The following STAG1 variants were observed in gnomAD, a reference collection of about 807,000 sequenced individuals.
STAG1 encodes the protein cohesin subunit SA-1.
In STAG1, 26 loss-of-function variants were observed where a neutral mutation model predicts 170.9. The ratio of observed to expected loss-of-function variants is 0.15; its 90% CI spans 0.11 to 0.21. STAG1 has a LOEUF of 0.21. Among genes scored for constraint, STAG1 ranks in the 10% least tolerant of loss-of-function variants. The probability of loss-of-function intolerance (pLI) is 1.00; values close to 1 mark genes in which losing one functional copy is unlikely to be tolerated. For synonymous variants in STAG1, 514 were observed against 497.7 expected (o/e 1.03, Z -0.44); for missense variants, 964 against 1,509.5 (o/e 0.64, Z 5.99).
At chr3:136,429,698 A>G (rs917576235) in intron 16 of STAG1, among the ~76,000 whole-genome samples, 1 of 152,150 alleles carries the variant, frequency 6.6e-6, no homozygotes, top group Admixed American at 6.6e-5. Context: ...TATTTCTGTA[A>G]AGTTACAGTG....
At chr3:136,419,700 T>C (rs1218880999) in intron 20 of STAG1, among the ~76,000 whole-genome samples, 1 of 150,768 alleles carries the variant, frequency 6.6e-6, no homozygotes, top group African/African-American at 2.4e-5. Context: ...TGGGCTCAAG[T>C]GATCCACCTA....
intron 1 of STAG1, among the ~76,000 whole-genome samples, chr3:136,738,239 C>T (rs548309735): frequency 3.6e-4 from 55 of 152,060 alleles, no homozygotes; most frequent in African/African-American, 1.1e-3. Context: ...TCCTGTAATC[C>T]TAGCACTCTG....
At chr3:136,344,080 G>T in intron 29 of STAG1, 74 bp from the exon 30 acceptor site, 1 of 1,144,334 alleles carries the variant, frequency 8.7e-7, no homozygotes. Flanking sequence ...GCATAGACTT[G>T]TGAAGAGTGT....
chr3:136,724,147 T>C (rs1280219999), intron 1 of STAG1, among the ~76,000 whole-genome samples: 2 of 148,274 alleles, frequency 1.3e-5, no homozygotes, highest in African/African-American at 2.6e-5. Flanking sequence ...AATGGCGGTT[T>C]TGTGGAATAG....
chr3:136,751,440 AG>A (rs1291755114), intron 1 of STAG1, among the ~76,000 whole-genome samples: 1 of 151,522 alleles, frequency 6.6e-6, no homozygotes, highest in East Asian at 1.9e-4. Context: ...TCGAGAAAGG[AG>A]GGAAAACAAC....
At chr3:136,532,016 G>T (rs1163103978) in intron 6 of STAG1, among the ~76,000 whole-genome samples, 1 of 149,450 alleles carries the variant, frequency 6.7e-6, no homozygotes. Context: ...CAGCAGAAAA[G>T]AAATAATACA....
chr3:136,710,737 C>T (rs939697230), intron 1 of STAG1, among the ~76,000 whole-genome samples: 1 of 151,904 alleles, frequency 6.6e-6, no homozygotes. Flanking sequence ...CAACTACTTT[C>T]ATGAATAGAT....
At chr3:136,639,083 A>ACC (rs970486793) in intron 1 of STAG1, among the ~76,000 whole-genome samples, 1 of 151,196 alleles carries the variant, frequency 6.6e-6, no homozygotes, top group Non-Finnish European at 1.5e-5. Context: ...ACACACACAC[A>ACC]CCTTCCTGTC....
intron 10 of STAG1, among the ~76,000 whole-genome samples, chr3:136,475,138 CTTTTTT>C (rs10686674): frequency 5.3e-5 from 4 of 76,002 alleles, no homozygotes; most frequent in Non-Finnish European, 7.0e-5. Flanking sequence ...TTATAGGTTC[CTTTTTT>C]TTTTTTTTTT....
intron 30 of STAG1, among the ~76,000 whole-genome samples, chr3:136,341,807 C>T (rs1331949004): frequency 6.6e-6 from 1 of 152,222 alleles, no homozygotes; most frequent in African/African-American, 2.4e-5. Context: ...GGTTCTCAGA[C>T]CTCTGTTTTG....
intron 25 of STAG1, among the ~76,000 whole-genome samples, chr3:136,365,748 A>G (rs1462875774): frequency 6.6e-6 from 1 of 152,154 alleles, no homozygotes; most frequent in African/African-American, 2.4e-5. Context: ...GGAAGCAAGC[A>G]GAAGTTTGCT....
chr3:136,416,818 T>C (rs1033451558), intron 21 of STAG1, among the ~76,000 whole-genome samples: 1 of 151,398 alleles, frequency 6.6e-6, no homozygotes, highest in African/African-American at 2.4e-5. Flanking sequence ...ATCACAGCAA[T>C]AATAAAGTAC....
At chr3:136,396,519 CCTTT>C (rs2087162029) in intron 22 of STAG1, among the ~76,000 whole-genome samples, 3 of 78,272 alleles carry the variant, frequency 3.8e-5, no homozygotes, top group Non-Finnish European at 7.6e-5. Context: ...CCGCGCCTGG[CCTTT>C]TTTTTTTTTT....
At chr3:136,661,507 A>T (rs988763739) in intron 1 of STAG1, among the ~76,000 whole-genome samples, 2 of 152,316 alleles carry the variant, frequency 1.3e-5, no homozygotes, top group East Asian at 3.9e-4. Flanking sequence ...CCTTCAGGCT[A>T]TGTGTATAAA....
Position 136,464,994 on chromosome 3 carries a change from A to G in STAG1, c.1206-6T>C. On this transcript the variant is annotated splice_polypyrimidine_tract_variant and splice_region_variant and intron_variant, in intron 12 of 33. Coordinates refer to ENST00000383202, the MANE Select transcript of STAG1 (RefSeq NM_005862.3). ...AAAGAGCTTCTTCACTTCCACTGAA[A>G]AATACAGAAAGTAACATCTGATCTA... is the stretch of plus-strand genomic sequence containing the variant. The G allele has an allele frequency of 6.3e-7, 1 of 1,595,946 alleles. No homozygotes were observed. Among genetic ancestry groups the G allele is most frequent in the Non-Finnish European group, 8.5e-7 (1 of 1,169,780 alleles).
intron 1 of STAG1, among the ~76,000 whole-genome samples, chr3:136,722,697 C>T (rs931020253): frequency 2.0e-5 from 3 of 148,232 alleles, no homozygotes; most frequent in African/African-American, 5.1e-5. Context: ...CCTCTCCCCA[C>T]GGTCTCCCTC....
chr3:136,356,501 C>T (rs1374111651), intron 28 of STAG1, among the ~76,000 whole-genome samples: 1 of 152,048 alleles, frequency 6.6e-6, no homozygotes, highest in Admixed American at 6.6e-5. Context: ...CGACCTCAGC[C>T]TCCCAAGTAG....
intron 14 of STAG1, among the ~76,000 whole-genome samples, chr3:136,451,591 C>G (rs879571897): frequency 6.6e-6 from 1 of 151,936 alleles, no homozygotes; most frequent in Non-Finnish European, 1.5e-5. Flanking sequence ...GGTGAAACCC[C>G]GTCTCTACTA....
rs574206881 is a variant in STAG1 at position 136,603,940 on chromosome 3, A to G, written c.297+369T>C. ...AGTTACAAATGATGTAGTTCTGGTTATTCCTAATTCACTACTTAAGAATTC... is the reference window on the plus strand; with the variant it reads ...AGTTACAAATGATGTAGTTCTGGTTGTTCCTAATTCACTACTTAAGAATTC... On this transcript the variant is annotated intron_variant, in intron 4 of 33. Transcript: ENST00000383202. 2.6e-5 allele frequency among the ~76,000 whole-genome samples: 4 copies of G among 152,292 alleles called. No homozygotes were observed. In the South Asian group the frequency reaches 8.3e-4, roughly 32 times the overall value.
Sources: allele counts gnomAD v4.1 joint callset (sites outside exome capture counted in the v4.1 genomes callset), GRCh38; gene constraint gnomAD v4.1.1; transcripts MANE v1.5; gene names NCBI Gene and HGNC (gene_info 2026-07-23, HGNC 2026-07-21).